PRKCB: variants seen among roughly 807,000 people sequenced by gnomAD.
The protein encoded by PRKCB is protein kinase C beta, also known as protein kinase C beta type.
A neutral mutation model predicts 81.5 loss-of-function variants in PRKCB; 13 were observed. The observed-to-expected ratio is 0.16, with a 90% CI of 0.10 to 0.25. The LOEUF is 0.25. Ranked by LOEUF, PRKCB falls within the 10% of genes least tolerant of loss-of-function variation. PRKCB has a pLI of 1.00. For synonymous variants in PRKCB, 335 were observed against 321.4 expected, an observed-to-expected ratio of 1.04 and a Z score of -0.45; for missense variants, 509 against 875.7, an observed-to-expected ratio of 0.58 and a Z score of 5.29.
chr16:23,868,683 T>C (rs1282189593), intron 2 of PRKCB, among the ~76,000 whole-genome samples: 1 of 152,194 alleles, frequency 6.6e-6, no homozygotes, highest in African/African-American at 2.4e-5. Context: ...TCCCCTCCAT[T>C]TTCTCTTTAG....
intron 16 of PRKCB, among the ~76,000 whole-genome samples, chr16:24,196,344 C>T (rs915135113): frequency 8.5e-5 from 13 of 152,148 alleles, no homozygotes; most frequent in African/African-American, 3.1e-4. Context: ...AGCAGGGTAT[C>T]GCAAATAAAT....
chr16:24,135,552 A>G (rs1292478057), intron 9 of PRKCB, among the ~76,000 whole-genome samples: 1 of 152,002 alleles, frequency 6.6e-6, no homozygotes, highest in Non-Finnish European at 1.5e-5. Flanking sequence ...GCCTCAAGTG[A>G]TCCGCCTGCC....
intron 2 of PRKCB, among the ~76,000 whole-genome samples, chr16:23,875,814 T>TATGTGTGTATATCACAC (rs1567298827): frequency 2.7e-5 from 4 of 147,414 alleles, no homozygotes; most frequent in African/African-American, 1.1e-4. Context: ...GTATATCATA[T>TATGTGTGTATATCACAC]ATATATATGC....
chr16:24,180,665 G>A, intron 12 of PRKCB, 125 bp from the exon 13 acceptor site: 1 of 1,151,160 alleles, frequency 8.7e-7, no homozygotes, highest in Non-Finnish European at 1.3e-6. Context: ...GTCAAAGGCT[G>A]GTTTCTACTG....
intron 2 of PRKCB, among the ~76,000 whole-genome samples, chr16:23,848,233 G>A (rs568447898): frequency 2.6e-5 from 4 of 152,296 alleles, no homozygotes; most frequent in East Asian, 3.9e-4. Context: ...AGTGGGATGT[G>A]TGGGGGTGAG....
intron 2 of PRKCB, among the ~76,000 whole-genome samples, chr16:23,958,831 C>T (rs1307954766): frequency 6.6e-6 from 1 of 151,374 alleles, no homozygotes; most frequent in Admixed American, 6.6e-5. Flanking sequence ...AATAGACTGA[C>T]CTAGTACCAG....
chr16:23,996,486 G>T (rs1388265780), intron 3 of PRKCB, among the ~76,000 whole-genome samples: 2 of 152,186 alleles, frequency 1.3e-5, no homozygotes, highest in Admixed American at 1.3e-4. Flanking sequence ...ATGCCTAGGG[G>T]TTATCAGCCA....
At chr16:24,130,050 G>A (rs1966851134) in intron 9 of PRKCB, among the ~76,000 whole-genome samples, 1 of 152,192 alleles carries the variant, frequency 6.6e-6, no homozygotes, top group Non-Finnish European at 1.5e-5. Context: ...TTCAAAGCAA[G>A]TTGCAGACAT....
chr16:24,166,629 C>T (rs1230802319), intron 10 of PRKCB, among the ~76,000 whole-genome samples: 5 of 152,136 alleles, frequency 3.3e-5, no homozygotes, highest in South Asian at 2.1e-4. Flanking sequence ...GAAACACGGC[C>T]GTTTGGAAAT....
At chr16:23,884,939 G>T (rs535540123) in intron 2 of PRKCB, among the ~76,000 whole-genome samples, 9 of 143,964 alleles carry the variant, frequency 6.3e-5, no homozygotes, top group African/African-American at 2.1e-4. Context: ...TATAATAGGT[G>T]CAGGGCACTC....
chr16:23,958,361 G>A (rs541609378), intron 2 of PRKCB, among the ~76,000 whole-genome samples: 2 of 151,910 alleles, frequency 1.3e-5, no homozygotes, highest in Admixed American at 1.3e-4. Flanking sequence ...TGGGAGTGCA[G>A]CAGTGCAATC....
chr16:24,035,131 T>C (rs1290882481), intron 4 of PRKCB, among the ~76,000 whole-genome samples: 3 of 152,190 alleles, frequency 2.0e-5, no homozygotes, highest in African/African-American at 7.2e-5. Context: ...TGACTCTGGC[T>C]TCAGAGCCTT....
At chr16:24,050,975 G>A (rs1035171731) in intron 5 of PRKCB, among the ~76,000 whole-genome samples, 11 of 151,644 alleles carry the variant, frequency 7.3e-5, no homozygotes, top group Non-Finnish European at 1.5e-4. Context: ...GAAACCTGAT[G>A]CATTTCATCT....
intron 12 of PRKCB, among the ~76,000 whole-genome samples, chr16:24,179,161 T>C (rs559516580): frequency 6.6e-6 from 1 of 152,342 alleles, no homozygotes; most frequent in East Asian, 1.9e-4. Flanking sequence ...CAGCTTTGAT[T>C]GGCCCAGATT....
chr16:24,111,752 T>G (rs1347911578), intron 7 of PRKCB, among the ~76,000 whole-genome samples: 1 of 152,118 alleles, frequency 6.6e-6, no homozygotes, highest in African/African-American at 2.4e-5. Flanking sequence ...GAGCTATGAT[T>G]GTGCTGCTGC....
chr16:24,104,064 C>T (rs552701454), intron 7 of PRKCB, among the ~76,000 whole-genome samples: 3 of 152,238 alleles, frequency 2.0e-5, no homozygotes, highest in African/African-American at 7.2e-5. Context: ...CTCGGCCTCC[C>T]AAAGTGCTGG....
chr16:23,904,304 G>T (rs904341850), intron 2 of PRKCB, among the ~76,000 whole-genome samples: 1 of 152,168 alleles, frequency 6.6e-6, no homozygotes, highest in Admixed American at 6.5e-5. Context: ...AGGTGCAAGA[G>T]GGGTGATAAT....
At chr16:24,144,365 C>A (rs1966956710) in intron 9 of PRKCB, among the ~76,000 whole-genome samples, 1 of 152,214 alleles carries the variant, frequency 6.6e-6, no homozygotes, top group South Asian at 2.1e-4. Flanking sequence ...ATGATGATCT[C>A]TCGGCTCACT....
chr16:24,201,140 AC>A (rs1484316734), intron 16 of PRKCB, among the ~76,000 whole-genome samples: 1 of 151,756 alleles, frequency 6.6e-6, no homozygotes, highest in Admixed American at 6.6e-5. Context: ...TGTGAGACTT[AC>A]CCTCACTCCT....
Sources: gnomAD v4.1 joint callset for allele counts (sites outside exome capture counted in the v4.1 genomes callset) on GRCh38, gnomAD v4.1.1 for gene constraint, MANE v1.5 for transcripts, NCBI Gene and HGNC (gene_info 2026-07-23, HGNC 2026-07-21) for gene names.